SLC10A7: variants seen among roughly 807,000 people sequenced by gnomAD.
The protein encoded by SLC10A7 is solute carrier family 10 member 7.
Under a neutral mutation model 43.2 loss-of-function variants are expected in SLC10A7, and 29 were observed. That is an observed-to-expected ratio of 0.67 (90% CI 0.50 to 0.92). The LOEUF (loss-of-function observed/expected upper bound fraction) is 0.92, where lower values mean the gene tolerates loss of function less well. Among genes scored for constraint, SLC10A7 ranks in the 40% least tolerant of loss-of-function variants. The pLI is 0.00. For synonymous variants in SLC10A7, 152 were observed against 144.8 expected (o/e 1.05, Z -0.35); for missense variants, 295 against 403.2 (o/e 0.73, Z 2.30).
chr4:146,442,994 C>A (rs796686873), intron 4 of SLC10A7, among the ~76,000 whole-genome samples, 173 bp from the exon 5 acceptor site: 3 of 152,202 alleles, frequency 2.0e-5, no homozygotes, highest in African/African-American at 7.2e-5. Context: ...TTTACTAAGA[C>A]AGATGAGCTA....
At chr4:146,342,262 C>G (rs1734317948) in intron 5 of SLC10A7, among the ~76,000 whole-genome samples, 1 of 151,596 alleles carries the variant, frequency 6.6e-6, no homozygotes, top group African/African-American at 2.4e-5. Flanking sequence ...AGTATTTTAT[C>G]TATCTCTAAA....
At chr4:146,321,859 C>T (rs922901190) in intron 6 of SLC10A7, among the ~76,000 whole-genome samples, 1 of 152,166 alleles carries the variant, frequency 6.6e-6, no homozygotes, top group South Asian at 2.1e-4. Flanking sequence ...ATGCTTAAGA[C>T]ATTTCCATTG....
At chr4:146,384,923 GAAT>G (rs1367829344) in intron 5 of SLC10A7, among the ~76,000 whole-genome samples, 1 of 151,960 alleles carries the variant, frequency 6.6e-6, no homozygotes, top group Non-Finnish European at 1.5e-5. Context: ...TTTTAAAACA[GAAT>G]AATTATATAA....
rs574404064 is a variant in SLC10A7 at position 146,457,719 on chromosome 4, C to T, written c.397-14898G>A. On this transcript the variant is annotated intron_variant, in intron 4 of 11. Transcript: ENST00000335472. ...AGAATATTGTAGACAGCATTATGTC[C>T]CCAAATATGAAAACTTAGATGAAAT... Among the ~76,000 whole-genome samples the T allele has an allele frequency of 1.3e-3, 197 of 151,862 alleles. 1 individual carries two copies. The highest frequency in any genetic ancestry group is 3.4e-3 in the Middle Eastern group (1 of 294).
chr4:146,335,363 T>C lies in SLC10A7; in HGVS notation c.436-9367A>G, dbSNP rs1222208712. Among the ~76,000 whole-genome samples, 3 of 151,002 alleles carry C rather than the reference T, an allele frequency of 2.0e-5. No homozygotes were observed. The East Asian group carries it at 5.8e-4, about 29-fold the overall frequency. On this transcript the variant is annotated intron_variant, in intron 5 of 11. Transcript: ENST00000335472. ...GCATGATGTTGGTGTCATTTCCCCT[T>C]GTCCCCAAGTCAAGCAGGTGATGCA... is the stretch of plus-strand genomic sequence containing the variant.
At chr4:146,500,691 C>A (rs1736317850) in intron 4 of SLC10A7, among the ~76,000 whole-genome samples, 2 of 152,238 alleles carry the variant, frequency 1.3e-5, no homozygotes, top group African/African-American at 2.4e-5. Context: ...AAAATTTCTA[C>A]CCCACATCCC....
chr4:146,334,781 A>G (rs1295505596), intron 5 of SLC10A7, among the ~76,000 whole-genome samples: 17 of 152,120 alleles, frequency 1.1e-4, no homozygotes, highest in Non-Finnish European at 7.4e-5. Flanking sequence ...GTAGGTACAG[A>G]TGAACATAGG....
At chr4:146,327,771 G>A (rs562022285) in intron 5 of SLC10A7, among the ~76,000 whole-genome samples, 5 of 152,318 alleles carry the variant, frequency 3.3e-5, no homozygotes, top group East Asian at 1.9e-4. Context: ...CTACCTGTGC[G>A]CATTGTCCAG....
At chr4:146,317,598 T>G (rs1463333791) in intron 6 of SLC10A7, among the ~76,000 whole-genome samples, 1 of 152,012 alleles carries the variant, frequency 6.6e-6, no homozygotes, top group Non-Finnish European at 1.5e-5. Context: ...ATTAGTACAC[T>G]GAGTAAAGAA....
In SLC10A7 at chr4:146,464,761, A is replaced by G. The variant is rs572263746; in HGVS notation, c.397-21940T>C. ...TGGAGGAAAAAAATTGCAAATAAAA[A>G]AAGACATTTATGTAGAATGATTTTA... On this transcript the variant is annotated intron_variant, in intron 4 of 11. Transcript: ENST00000335472. Among the ~76,000 whole-genome samples the G allele has an allele frequency of 6.0e-3, 920 of 152,262 alleles. 4 individuals are homozygous for G. Among genetic ancestry groups the G allele is most frequent in the Middle Eastern group, 0.014 (4 of 294 alleles).
intron 7 of SLC10A7, among the ~76,000 whole-genome samples, chr4:146,301,176 G>A (rs1731135579): frequency 1.3e-5 from 2 of 152,158 alleles, no homozygotes; most frequent in African/African-American, 4.8e-5. Flanking sequence ...AATCAAGTAC[G>A]ATGGGAGACG....
chr4:146,266,422 GACAC>G (rs145477159), intron 10 of SLC10A7, among the ~76,000 whole-genome samples: 6 of 149,274 alleles, frequency 4.0e-5, no homozygotes, highest in South Asian at 2.1e-4. Context: ...CATGCACATG[GACAC>G]ACACACACAC....
At chr4:146,486,769 A>G (rs1008250160) in intron 4 of SLC10A7, among the ~76,000 whole-genome samples, 1 of 152,214 alleles carries the variant, frequency 6.6e-6, no homozygotes, top group Admixed American at 6.5e-5. Context: ...AGTTACTGAG[A>G]TGAACACGGA....
chr4:146,337,036 A>T (rs1162584596), intron 5 of SLC10A7, among the ~76,000 whole-genome samples: 76 of 152,188 alleles, frequency 5.0e-4, no homozygotes, highest in African/African-American at 1.8e-3. Context: ...TAAGAGTGAC[A>T]AAAACAATTT....
intron 7 of SLC10A7, among the ~76,000 whole-genome samples, chr4:146,302,269 T>C (rs1731212297): frequency 1.3e-5 from 2 of 152,328 alleles, no homozygotes; most frequent in South Asian, 4.1e-4. Context: ...AGATGAGAAG[T>C]ACAGGTAGAT....
intron 5 of SLC10A7, among the ~76,000 whole-genome samples, chr4:146,417,156 A>G (rs1728634666): frequency 6.6e-6 from 1 of 152,238 alleles, no homozygotes; most frequent in South Asian, 2.1e-4. Flanking sequence ...GCCTCACTAT[A>G]GAGTAGGGGC....
chr4:146,261,708 G>C (rs1262115844), intron 10 of SLC10A7, among the ~76,000 whole-genome samples: 2 of 152,086 alleles, frequency 1.3e-5, no homozygotes, highest in Non-Finnish European at 2.9e-5. Context: ...ATATCTTCTT[G>C]CTAGTCATTA....
intron 4 of SLC10A7, among the ~76,000 whole-genome samples, chr4:146,483,171 A>G (rs1190274342): frequency 6.6e-6 from 1 of 152,200 alleles, no homozygotes; most frequent in Non-Finnish European, 1.5e-5. Context: ...AGTAGAGGTA[A>G]ATATATAAAC....
rs185354824 is a variant in SLC10A7, at chr4:146,438,317, C to T, written c.435+4466G>A. Among the ~76,000 whole-genome samples the T allele has an allele frequency of 1.5e-3, 229 of 152,074 alleles. 7 individuals carry two copies. In the South Asian group the frequency reaches 0.045, roughly 30 times the overall value. On this transcript the variant is annotated intron_variant, in intron 5 of 11. Transcript: ENST00000335472. Reference sequence around the variant, plus strand: ...AATCTTAGAATAGCTTCTGCTAGTTCCAGCAATGAGTATTTTAAAAGAGAA... The same window carrying T: ...AATCTTAGAATAGCTTCTGCTAGTTTCAGCAATGAGTATTTTAAAAGAGAA...
Sources: gnomAD v4.1 joint callset for allele counts (sites outside exome capture counted in the v4.1 genomes callset) on GRCh38, gnomAD v4.1.1 for gene constraint, MANE v1.5 for transcripts, NCBI Gene and HGNC (gene_info 2026-07-23, HGNC 2026-07-21) for gene names.